PAICS: variants seen among roughly 807,000 people sequenced by gnomAD.
The protein encoded by PAICS is phosphoribosylaminoimidazole carboxylase and phosphoribosylaminoimidazolesuccinocarboxamide synthase.
Under a neutral mutation model 53.7 loss-of-function variants are expected in PAICS, and 33 were observed. The ratio of observed to expected loss-of-function variants is 0.61; its 90% CI spans 0.47 to 0.82. The LOEUF (loss-of-function observed/expected upper bound fraction) is 0.82, where lower values mean the gene tolerates loss of function less well. Among genes scored for constraint, PAICS ranks in the 40% least tolerant of loss-of-function variants. PAICS has a pLI of 0.00. For missense variants in PAICS, 394 were observed against 494.1 expected (o/e 0.80, Z 1.92); for synonymous variants, 141 against 167.2 (o/e 0.84, Z 1.21).
the PAICS span, among the ~76,000 whole-genome samples, chr4:56,428,588 A>G: frequency 6.6e-6 from 1 of 152,206 alleles, no homozygotes; most frequent in Non-Finnish European, 1.5e-5. Flanking sequence ...ACCAACTCTC[A>G]GAACTGCCAA....
chr4:56,413,411 TC>T, the PAICS span, among the ~76,000 whole-genome samples: 12 of 152,248 alleles, frequency 7.9e-5, no homozygotes, highest in African/African-American at 2.9e-4. Flanking sequence ...CACCTTGGCC[TC>T]CCAAAGTGCT....
the PAICS span, among the ~76,000 whole-genome samples, chr4:56,428,137 T>C: frequency 6.6e-6 from 1 of 152,270 alleles, no homozygotes; most frequent in African/African-American, 2.4e-5. Flanking sequence ...ATATTGAAGT[T>C]ATTATTGTAT....
chr4:56,446,208 A>G, intron 2 of PAICS: 1 of 488,526 alleles, frequency 2.0e-6, no homozygotes, highest in Non-Finnish European at 3.7e-6. Context: ...ATGTGCATTC[A>G]CAATGTTGTA....
At chr4:56,435,230 G>C, upstream of PAICS, 3 of 1,446,284 alleles carry the variant, frequency 2.1e-6, no homozygotes, top group Non-Finnish European at 2.8e-6. Flanking sequence ...GGCAGGTACT[G>C]GCTTAGGTCG....
chr4:56,423,173 T>A, the PAICS span: 1 of 152,256 alleles, frequency 6.6e-6, no homozygotes, highest in Non-Finnish European at 1.5e-5. Context: ...AAGCTTCATA[T>A]AACTTCACAA....
chr4:56,417,210 A>C, the PAICS span, among the ~76,000 whole-genome samples: 3 of 152,350 alleles, frequency 2.0e-5, no homozygotes, highest in East Asian at 5.8e-4. Context: ...ATAATAGAAA[A>C]ACTTATTTGT....
At chr4:56,454,300 A>C (rs2110096410) in intron 8 of PAICS, among the ~76,000 whole-genome samples, 1 of 152,062 alleles carries the variant, frequency 6.6e-6, no homozygotes, top group East Asian at 1.9e-4. Context: ...AATTTGGGGG[A>C]GTTAGAATGA....
At chr4:56,439,941 A>G (rs1422681685) in intron 1 of PAICS, among the ~76,000 whole-genome samples, 1 of 152,188 alleles carries the variant, frequency 6.6e-6, no homozygotes, top group Admixed American at 6.5e-5. Flanking sequence ...TTCTTGTTCA[A>G]GTTACTGCAA....
intron 1 of PAICS, among the ~76,000 whole-genome samples, chr4:56,436,858 G>A (rs565669753): frequency 5.8e-4 from 79 of 135,954 alleles, no homozygotes; most frequent in African/African-American, 2.3e-3. Flanking sequence ...TTAGCTGGAC[G>A]TGGTGGCGCG....
At chr4:56,424,012 C>T in the PAICS span, among the ~76,000 whole-genome samples, 1 of 152,096 alleles carries the variant, frequency 6.6e-6, no homozygotes. Flanking sequence ...TTCTTTAAAA[C>T]AACAACAAAG....
rs375206193 is a variant in PAICS, at chr4:56,436,488, C to T, written c.16+160C>T. The T allele has an allele frequency of 6.6e-5, 48 of 725,218 alleles. No homozygotes were observed. In the African/African-American group the frequency reaches 8.0e-4, roughly 12 times the overall value. The allele number at this position is 725,218 out of a possible 1,614,324, so 44.9% of individuals were successfully genotyped here. A position where few individuals can be genotyped will look rare whatever the true frequency, so the allele number is the denominator to read the frequency against. Reference sequence around the variant, plus strand: ...TGGCCCAGGCGCTCCCGGGCCTCCCCGAACTTTACTGCCTCGGGGATGGGG... The same window carrying T: ...TGGCCCAGGCGCTCCCGGGCCTCCCTGAACTTTACTGCCTCGGGGATGGGG... On this transcript the variant is annotated intron_variant, in intron 1 of 8. Coordinates refer to ENST00000512576, the MANE Select transcript of PAICS (RefSeq NM_001079524.2).
rs1719463252 is a variant in PAICS, at chr4:56,460,655, T to TATCC, written c.*1120_*1123dup. 6.6e-6 allele frequency: 1 copy of TATCC among 152,218 alleles called. No individual in the cohort carries two copies. The highest frequency in any genetic ancestry group is 1.5e-5 in the Non-Finnish European group (1 of 68,062). 9.4% of individuals were successfully genotyped at this position (152,218 alleles called of 1,614,324 possible). On this transcript the variant is annotated 3_prime_UTR_variant, in exon 9 of 9. Transcript: ENST00000512576. ...TTGGTTCTTGGGTTCTCCCGAAGCC[T>TATCC]ATCCATGGTTTATAGATTAAGAATT...
chr4:56,410,523 G>A, the PAICS span: 4 of 986,488 alleles, frequency 4.1e-6, no homozygotes, highest in South Asian at 1.4e-4. Context: ...AACATGGAGA[G>A]TGGAGCAGGA....
At position 56,450,724 on chromosome 4, in the gene PAICS, T is replaced by C. The variant is rs1267157789; in HGVS notation, c.771+22T>C. On this transcript the variant is annotated intron_variant, in intron 6 of 8. Coordinates refer to ENST00000512576, the MANE Select transcript of PAICS (RefSeq NM_001079524.2). ...AGAGGTAAACCTTCTATAGTAAAAC[T>C]GTATGTATTATGTGTTTTTCTTCTA... The C allele has an allele frequency of 1.2e-5, 13 of 1,101,470 alleles. No individual in the cohort carries two copies. The African/African-American group carries it at 1.9e-4, about 16-fold the overall frequency. The allele number at this position is 1,101,470 out of a possible 1,614,324, so 68.2% of individuals were successfully genotyped here.
chr4:56,436,547 C>T (rs1328153688), intron 1 of PAICS: 2 of 708,180 alleles, frequency 2.8e-6, no homozygotes, highest in South Asian at 3.0e-5. Context: ...CGAGAAATGG[C>T]CAAGGGGTGG....
chr4:56,446,982 A>G, intron 3 of PAICS, 109 bp downstream of exon 3: 1 of 624,398 alleles, frequency 1.6e-6, no homozygotes. Context: ...ATATTTTGAT[A>G]TTGCAAATGT....
intron 6 of PAICS, among the ~76,000 whole-genome samples, chr4:56,451,631 G>A (rs1345720753): frequency 6.6e-6 from 1 of 151,992 alleles, no homozygotes; most frequent in Non-Finnish European, 1.5e-5. Flanking sequence ...TATCTTTACT[G>A]TTTATTTTAA....
At chr4:56,440,600 C>T (rs1718289891) in intron 1 of PAICS, among the ~76,000 whole-genome samples, 1 of 152,234 alleles carries the variant, frequency 6.6e-6, no homozygotes, top group South Asian at 2.1e-4. Context: ...TCAACACTAC[C>T]TACCCCTTTC....
At chr4:56,450,049 T>C (rs1049649124) in intron 5 of PAICS, among the ~76,000 whole-genome samples, 2 of 151,698 alleles carry the variant, frequency 1.3e-5, no homozygotes, top group Admixed American at 6.6e-5. Context: ...GAAGCCATCA[T>C]CCTCAGCAAA....
Sources: gnomAD v4.1 joint callset for allele counts (sites outside exome capture counted in the v4.1 genomes callset) on GRCh38, gnomAD v4.1.1 for gene constraint, MANE v1.5 for transcripts, NCBI Gene and HGNC (gene_info 2026-07-23, HGNC 2026-07-21) for gene names.